Variants in PRIM2 observed in about 807,000 individuals in gnomAD.
The protein encoded by PRIM2 is DNA primase large subunit.
Under a neutral mutation model 67.3 loss-of-function variants are expected in PRIM2, and 39 were observed. The ratio of observed to expected loss-of-function variants is 0.58; its 90% CI spans 0.45 to 0.76. The LOEUF (loss-of-function observed/expected upper bound fraction) is 0.76. PRIM2 is among the 30% of genes least tolerant of loss of function. The pLI is 0.00. For synonymous variants in PRIM2, 143 were observed against 198.7 expected, an observed-to-expected ratio of 0.72 and a Z score of 2.36; for missense variants, 398 against 598.7, an observed-to-expected ratio of 0.66 and a Z score of 3.50.
intron 10 of PRIM2, among the ~76,000 whole-genome samples, chr6:57,590,896 T>C (rs1355871451): frequency 1.3e-5 from 2 of 152,202 alleles, no homozygotes; most frequent in Non-Finnish European, 2.9e-5. Context: ...CTTTTTTACA[T>C]AAAAGAGAAT....
intron 7 of PRIM2, among the ~76,000 whole-genome samples, chr6:57,394,878 CT>C (rs149907107): frequency 0.019 from 2,961 of 152,156 alleles, 62 homozygotes; most frequent in African/African-American, 0.044. Flanking sequence ...TAAAGAGATG[CT>C]GAATTTTGTG....
At chr6:57,341,076 A>C (rs956462251) in intron 5 of PRIM2, among the ~76,000 whole-genome samples, 5 of 152,182 alleles carry the variant, frequency 3.3e-5, no homozygotes, top group Non-Finnish European at 7.3e-5. Flanking sequence ...AAGATGCATA[A>C]ATTTGGATAA....
chr6:57,451,625 G>C (rs947349341), intron 7 of PRIM2, among the ~76,000 whole-genome samples: 1 of 152,002 alleles, frequency 6.6e-6, no homozygotes, highest in Admixed American at 6.6e-5. Flanking sequence ...ATTCTTAATA[G>C]GTCCCGAAAG....
intron 7 of PRIM2, among the ~76,000 whole-genome samples, chr6:57,416,076 C>A (rs1771250614): frequency 6.6e-6 from 1 of 152,188 alleles, no homozygotes; most frequent in East Asian, 1.9e-4. Context: ...AGAAGGTTTT[C>A]CACTTACTTT....
At chr6:57,565,591 C>G (rs1473753361) in intron 10 of PRIM2, among the ~76,000 whole-genome samples, 1 of 152,288 alleles carries the variant, frequency 6.6e-6, no homozygotes, top group African/African-American at 2.4e-5. Context: ...TCTATTCAGG[C>G]TCTCATCAAA....
At chr6:57,611,122 C>T (rs1203871642) in intron 12 of PRIM2, among the ~76,000 whole-genome samples, 5 of 152,092 alleles carry the variant, frequency 3.3e-5, no homozygotes, top group African/African-American at 7.2e-5. Flanking sequence ...ACTAGTAGGT[C>T]GAAGGATACT....
At chr6:57,327,079 T>G (rs1441652632) in intron 5 of PRIM2, among the ~76,000 whole-genome samples, 1 of 151,898 alleles carries the variant, frequency 6.6e-6, no homozygotes, top group Non-Finnish European at 1.5e-5. Context: ...AATTTTTGTA[T>G]TTTTAGAGAC....
intron 3 of PRIM2, among the ~76,000 whole-genome samples, chr6:57,321,120 G>A (rs1487378876): frequency 6.6e-6 from 1 of 152,168 alleles, no homozygotes; most frequent in Admixed American, 6.5e-5. Context: ...AATGATGAGA[G>A]TCTGAATTAA....
chr6:57,299,340 C>T, the PRIM2 span, among the ~76,000 whole-genome samples: 30 of 152,052 alleles, frequency 2.0e-4, no homozygotes, highest in Admixed American at 1.9e-3. Context: ...AAAGAAAGGA[C>T]ATTTTAACAA....
chr6:57,542,103 A>G (rs1165563280), intron 10 of PRIM2, among the ~76,000 whole-genome samples: 1 of 151,508 alleles, frequency 6.6e-6, no homozygotes, highest in Non-Finnish European at 1.5e-5. Context: ...CAGCCTCCCA[A>G]GTAGCTGGGA....
chr6:57,462,374 T>C (rs1177231583), intron 7 of PRIM2, among the ~76,000 whole-genome samples: 1 of 152,248 alleles, frequency 6.6e-6, no homozygotes, highest in Non-Finnish European at 1.5e-5. Context: ...TGCAAAACTA[T>C]TGTCCTGAAA....
At chr6:57,625,479 A>G (rs1480883966) in intron 12 of PRIM2, among the ~76,000 whole-genome samples, 1 of 152,212 alleles carries the variant, frequency 6.6e-6, no homozygotes, top group East Asian at 1.9e-4. Flanking sequence ...AAGCTGGACC[A>G]GAATATGAGG....
At chr6:57,519,669 A>G in intron 8 of PRIM2, among the ~76,000 whole-genome samples, 1 of 152,254 alleles carries the variant, frequency 6.6e-6, no homozygotes, top group East Asian at 1.9e-4. Flanking sequence ...CAGTTAATGC[A>G]ATTATTACAG....
intron 5 of PRIM2, among the ~76,000 whole-genome samples, chr6:57,333,732 A>G (rs866668333): frequency 1.3e-5 from 2 of 151,262 alleles, no homozygotes; most frequent in African/African-American, 4.9e-5. Flanking sequence ...TGTTTTCTCA[A>G]TTTTCTATTT....
the PRIM2 span, among the ~76,000 whole-genome samples, chr6:57,309,438 A>G: frequency 4.0e-5 from 6 of 151,492 alleles, no homozygotes; most frequent in African/African-American, 1.5e-4. Context: ...ATGATTTCCA[A>G]TTTCATCCAT....
At chr6:57,473,769 G>A (rs1488112970) in intron 7 of PRIM2, among the ~76,000 whole-genome samples, 1 of 152,048 alleles carries the variant, frequency 6.6e-6, no homozygotes, top group Non-Finnish European at 1.5e-5. Flanking sequence ...CTTAAGTTTT[G>A]TAACTTTACC....
intron 12 of PRIM2, among the ~76,000 whole-genome samples, chr6:57,617,207 T>A (rs1776771233): frequency 6.6e-6 from 1 of 152,250 alleles, no homozygotes; most frequent in South Asian, 2.1e-4. Flanking sequence ...AAACTCTATC[T>A]TTATTTTCAC....
intron 10 of PRIM2, among the ~76,000 whole-genome samples, chr6:57,538,102 A>ACCTTTGGG (rs1414261870): frequency 2.6e-5 from 4 of 151,746 alleles, no homozygotes; most frequent in African/African-American, 9.7e-5. Flanking sequence ...TGCAGCCTCG[A>ACCTTTGGG]CCTTTGGGCT....
chr6:57,384,539 G>A (rs11759096), intron 7 of PRIM2, among the ~76,000 whole-genome samples: 183 of 152,026 alleles, frequency 1.2e-3, no homozygotes, highest in Non-Finnish European at 1.1e-3. Context: ...GATTTTCTTG[G>A]GACAGAGTTT....
Sources: gnomAD v4.1 joint callset for allele counts (sites outside exome capture counted in the v4.1 genomes callset) on GRCh38, gnomAD v4.1.1 for gene constraint, MANE v1.5 for transcripts, NCBI Gene and HGNC (gene_info 2026-07-23, HGNC 2026-07-21) for gene names.